Variants in TLE1 observed in about 807,000 individuals in gnomAD.
The protein encoded by TLE1 is transducin-like enhancer protein 1.
In TLE1, 21 loss-of-function variants were observed where a neutral mutation model predicts 89.8. The ratio of observed to expected loss-of-function variants is 0.23; its 90% CI spans 0.17 to 0.34. TLE1 has a LOEUF of 0.34. Ranked by LOEUF, TLE1 falls within the 10% of genes least tolerant of loss-of-function variation. The pLI, the probability that TLE1 is intolerant of heterozygous loss-of-function variation, is 1.00. For synonymous variants in TLE1, 447 were observed against 407.6 expected, an observed-to-expected ratio of 1.10 and a Z score of -1.16; for missense variants, 795 against 1,031.2, an observed-to-expected ratio of 0.77 and a Z score of 3.14.
intron 8 of TLE1, among the ~76,000 whole-genome samples, chr9:81,625,584 T>C (rs1050293031): frequency 1.9e-5 from 2 of 102,614 alleles, no homozygotes; most frequent in Non-Finnish European, 3.8e-5. Context: ...TCCAACACAA[T>C]TATGAAACCA....
chr9:81,685,597 A>C, intron 4 of TLE1, 79 bp downstream of exon 4: 1 of 1,458,344 alleles, frequency 6.9e-7, no homozygotes, highest in South Asian at 1.2e-5. Context: ...CCTAGAGCCC[A>C]CTACTGAGAA....
chr9:81,616,757 A>G (rs1361252765), intron 9 of TLE1, 58 bp from the exon 10 acceptor site: 1 of 1,597,320 alleles, frequency 6.3e-7, no homozygotes, highest in Non-Finnish European at 8.6e-7. Context: ...TTTGAGGCAC[A>G]GTTAGATTTC....
At chr9:81,669,497 C>T (rs1831933075) in intron 4 of TLE1, among the ~76,000 whole-genome samples, 1 of 152,144 alleles carries the variant, frequency 6.6e-6, no homozygotes, top group Non-Finnish European at 1.5e-5. Flanking sequence ...AGTCTGCAAG[C>T]AGTACTGTAA....
chr9:81,688,438 G>T lies in TLE1; in HGVS notation c.-198C>A, dbSNP rs1224412432. The T allele has an allele frequency of 3.7e-6, 2 of 535,698 alleles. No individual in the cohort carries two copies. The highest frequency in any genetic ancestry group is 6.2e-6 in the Non-Finnish European group (2 of 321,460). The allele number at this position is 535,698 out of a possible 1,614,324, so 33.2% of individuals were successfully genotyped here. A position where few individuals can be genotyped will look rare whatever the true frequency, so the allele number is the denominator to read the frequency against. On this transcript the variant is annotated 5_prime_UTR_variant, in exon 1 of 20. Transcript: ENST00000376499. ...TCCGGCTCCCGCTCCCGTCGGTGCGGGCTCCGGCCCTCAGGGCCACATTAG... is the reference window on the plus strand; with the variant it reads ...TCCGGCTCCCGCTCCCGTCGGTGCGTGCTCCGGCCCTCAGGGCCACATTAG...
chr9:81,591,660 TA>T (rs1328077678), intron 15 of TLE1, among the ~76,000 whole-genome samples: 2 of 152,200 alleles, frequency 1.3e-5, no homozygotes, highest in African/African-American at 2.4e-5. Flanking sequence ...CAGATATGGC[TA>T]AAGTTTGCTT....
At chr9:81,679,158 A>G (rs1043443825) in intron 4 of TLE1, among the ~76,000 whole-genome samples, 2 of 152,228 alleles carry the variant, frequency 1.3e-5, no homozygotes, top group African/African-American at 2.4e-5. Flanking sequence ...CATTAAAAAA[A>G]TTAAATGTTA....
At position 81,595,628 on chromosome 9, in the gene TLE1, C is replaced by G. The variant is rs569652215; in HGVS notation, c.1332-2354G>C. 1.7e-3 allele frequency among the ~76,000 whole-genome samples: 256 copies of G among 152,184 alleles called. 2 individuals are homozygous for G. The highest frequency in any genetic ancestry group is 5.9e-3 in the African/African-American group (245 of 41,538). Reference sequence around the variant, plus strand: ...GATCAGGAGATCAAGACCATCCTGGCTAACAGAGTGAAACCCCATCTCTAC... The same window carrying G: ...GATCAGGAGATCAAGACCATCCTGGGTAACAGAGTGAAACCCCATCTCTAC... On this transcript the variant is annotated intron_variant, in intron 14 of 19. Coordinates refer to ENST00000376499, the MANE Select transcript of TLE1 (RefSeq NM_005077.5).
chr9:81,593,357 T>C, intron 14 of TLE1, 83 bp from the exon 15 acceptor site: 1 of 1,429,754 alleles, frequency 7.0e-7, no homozygotes, highest in Non-Finnish European at 9.3e-7. Flanking sequence ...GCTACGACTA[T>C]GAAAAAGATG....
chr9:81,616,129 A>G lies in TLE1; in HGVS notation c.771T>C (p.Pro257=), dbSNP rs771990328. Residue 257 remains proline, a synonymous_variant, in exon 11 of 20, where the codon CCT becomes CCC. Transcript: ENST00000376499. Reference sequence around the variant, plus strand: ...GGGCAGGGCTTGCTCGCGGAGAAGAAGGGTCCTCAACAAGCATAATCAAAA... The same window carrying G: ...GGGCAGGGCTTGCTCGCGGAGAAGAGGGGTCCTCAACAAGCATAATCAAAA... ...NLVVDVSNED[P]SSPRASPAHS... is the part of the protein sequence containing the mutation. 6.8e-6 allele frequency: 11 copies of G among 1,610,168 alleles called. No individual in the cohort carries two copies. The highest frequency in any genetic ancestry group is 1.3e-5 in the African/African-American group (1 of 74,556).
At position 81,687,387 on chromosome 9, in the gene TLE1, C is replaced by T; in HGVS notation, c.72G>A (p.Glu24=). 1.9e-6 allele frequency: 3 copies of T among 1,611,324 alleles called. No individual in the cohort carries two copies. The highest frequency in any genetic ancestry group is 2.5e-6 in the Non-Finnish European group (3 of 1,179,486). ...ATTCCTCTTTAATCCGGTCCAGGGA[C>T]TCCGGGATAGTGAACTTGAAGGGCT... ...AGQPFKFTIP[E]SLDRIKEEFQ... Residue 24 remains glutamate, a synonymous_variant, in exon 2 of 20, where the codon GAG becomes GAA. Transcript: ENST00000376499.
chr9:81,629,437 A>T (rs1334773218), intron 8 of TLE1, among the ~76,000 whole-genome samples: 2 of 152,250 alleles, frequency 1.3e-5, no homozygotes, highest in Non-Finnish European at 2.9e-5. Context: ...TCAAAATTTT[A>T]AAACAGCCAA....
intron 6 of TLE1, among the ~76,000 whole-genome samples, chr9:81,647,096 G>A (rs1828948028): frequency 6.6e-6 from 1 of 151,992 alleles, no homozygotes; most frequent in South Asian, 2.1e-4. Context: ...ATCTCCTGAA[G>A]TTCACAGGCA....
intron 18 of TLE1, among the ~76,000 whole-genome samples, chr9:81,585,093 T>C (rs141875057): frequency 1.5e-4 from 23 of 152,142 alleles, no homozygotes; most frequent in African/African-American, 2.6e-4. Context: ...CACTGTAGAG[T>C]AGAGTGTAAC....
chr9:81,646,497 T>A (rs1262091045), intron 6 of TLE1, among the ~76,000 whole-genome samples: 1 of 152,248 alleles, frequency 6.6e-6, no homozygotes, highest in Admixed American at 6.5e-5. Flanking sequence ...AGGGAGAATT[T>A]GTTTTATAAA....
chr9:81,619,737 A>G (rs1288949020), intron 9 of TLE1, among the ~76,000 whole-genome samples: 1 of 152,234 alleles, frequency 6.6e-6, no homozygotes. Context: ...TATAACCCTG[A>G]GAACAGAGCC....
At chr9:81,648,081 G>A (rs1051707180) in intron 6 of TLE1, among the ~76,000 whole-genome samples, 3 of 152,020 alleles carry the variant, frequency 2.0e-5, no homozygotes, top group Non-Finnish European at 2.9e-5. Flanking sequence ...AGACCAGCCT[G>A]GCCAACATGG....
chr9:81,638,884 CA>C (rs1276950046), intron 6 of TLE1, among the ~76,000 whole-genome samples: 1 of 152,084 alleles, frequency 6.6e-6, no homozygotes, highest in African/African-American at 2.4e-5. Flanking sequence ...TCCGGCCTCC[CA>C]AAGTGCTGAG....
intron 16 of TLE1, among the ~76,000 whole-genome samples, chr9:81,588,236 T>C (rs1316181104): frequency 6.6e-6 from 1 of 152,168 alleles, no homozygotes; most frequent in Non-Finnish European, 1.5e-5. Flanking sequence ...GTCTGTTCTT[T>C]AATCGTGCAG....
At chr9:81,600,874 C>T (rs879725519) in intron 14 of TLE1, among the ~76,000 whole-genome samples, 3 of 152,118 alleles carry the variant, frequency 2.0e-5, no homozygotes, top group Admixed American at 6.5e-5. Flanking sequence ...AGCAAGTGTG[C>T]CCTTCACTTG....
Sources: gnomAD v4.1 joint callset for allele counts (sites outside exome capture counted in the v4.1 genomes callset) on GRCh38, gnomAD v4.1.1 for gene constraint, MANE v1.5 for transcripts, NCBI Gene and HGNC (gene_info 2026-07-23, HGNC 2026-07-21) for gene names.